Variants in ZNF430 observed in about 807,000 individuals in gnomAD.
The protein encoded by ZNF430 is zinc finger protein 430.
In ZNF430, 35 loss-of-function variants were observed where a neutral mutation model predicts 56.7. The observed-to-expected ratio is 0.62, with a 90% CI of 0.47 to 0.82. The LOEUF (loss-of-function observed/expected upper bound fraction) is 0.82. Ranked by LOEUF, ZNF430 falls within the 40% of genes least tolerant of loss-of-function variation. The pLI is 0.00. For synonymous variants in ZNF430, 212 were observed against 224.3 expected (o/e 0.94, Z 0.49); for missense variants, 574 against 661.0 (o/e 0.87, Z 1.44).
intron 4 of ZNF430, chr19:21,036,212 A>ATATG (rs147297007): frequency 0.069 from 11,882 of 171,768 alleles, 490 homozygotes; most frequent in Non-Finnish European, 0.08. Flanking sequence ...TTAGATATAT[A>ATATG]TGTGTGTGTG....
rs562085643 is a variant in ZNF430 at position 21,038,189 on chromosome 19, G to A, written c.322+4005G>A. Among the ~76,000 whole-genome samples, 5 of 151,738 alleles carry A rather than the reference G, an allele frequency of 3.3e-5. No homozygotes were observed. The South Asian group carries it at 8.3e-4, about 25-fold the overall frequency. ...GACTTATTAGTTTTTTTATGTCTAAGTATTTTACTTAAAATATTTTTGTAT... is the reference window on the plus strand; with the variant it reads ...GACTTATTAGTTTTTTTATGTCTAAATATTTTACTTAAAATATTTTTGTAT... On this transcript the variant is annotated intron_variant, in intron 4 of 4. Transcript: ENST00000261560.
At chr19:21,054,786 T>C (rs1968344313) in intron 4 of ZNF430, among the ~76,000 whole-genome samples, 1 of 147,806 alleles carries the variant, frequency 6.8e-6, no homozygotes, top group African/African-American at 2.5e-5. Flanking sequence ...GCCATTCTCC[T>C]GCCTCAGCCT....
chr19:21,020,746 C>T lies in ZNF430; in HGVS notation c.-55C>T, dbSNP rs2081054. The T allele has an allele frequency of 0.93, 1,501,235 of 1,610,976 alleles. 700,121 individuals carry two copies. The highest frequency in any genetic ancestry group is 0.97 in the Middle Eastern group (5,855 of 6,056). On this transcript the variant is annotated 5_prime_UTR_variant, in exon 1 of 5. Transcript: ENST00000261560. The stretch of plus-strand genomic sequence containing the variant: ...GTCCAGGCTCTGTGGCCCTGTGACC[C>T]GCAGGTATTGGGAGATCTACAGCTA...
At chr19:21,054,152 A>G (rs940640292) in intron 4 of ZNF430, among the ~76,000 whole-genome samples, 3 of 152,168 alleles carry the variant, frequency 2.0e-5, no homozygotes, top group African/African-American at 4.8e-5. Context: ...CAAATTTTAG[A>G]AAATAATTAA....
In ZNF430 at chr19:21,057,920, G is replaced by C; in HGVS notation, c.1612G>C (p.Glu538Gln). ...TAAACATAAGGTAATTCATACTGGA[G>C]AGAAACCCTACAACTGTGAAGAATA... ...LTKHKVIHTG[E>Q]KPYNCEEYGK... is the part of the protein sequence containing the mutation. Residue 538 changes from glutamate (E) to glutamine (Q), a missense_variant, in exon 5 of 5, where the codon GAG becomes CAG. Physicochemically the swap from Glu to Gln is conservative, Grantham distance 29. This residue lies in a region of ZNF430 where 213 missense variants were observed against 221.0 expected (regional missense o/e 0.96). Coordinates refer to ENST00000261560, the MANE Select transcript of ZNF430 (RefSeq NM_025189.4). The C allele has an allele frequency of 6.2e-7, 1 of 1,613,668 alleles. No individual in the cohort carries two copies.
intron 2 of ZNF430, among the ~76,000 whole-genome samples, chr19:21,029,829 G>T (rs776226396): frequency 6.6e-6 from 1 of 152,260 alleles, no homozygotes; most frequent in South Asian, 2.1e-4. Flanking sequence ...GCCGGGCGTG[G>T]TGGCACATGC....
chr19:21,040,964 T>C (rs565022957), intron 4 of ZNF430, among the ~76,000 whole-genome samples: 1 of 152,296 alleles, frequency 6.6e-6, no homozygotes, highest in South Asian at 2.1e-4. Context: ...ATATAATTAC[T>C]GCCACCTCAC....
chr19:21,029,676 C>T (rs892754780), intron 2 of ZNF430, among the ~76,000 whole-genome samples: 2 of 152,022 alleles, frequency 1.3e-5, no homozygotes, highest in African/African-American at 4.8e-5. Context: ...TTATAAAAAT[C>T]AGAGTTTTGG....
intron 4 of ZNF430, among the ~76,000 whole-genome samples, chr19:21,052,858 A>G (rs1363105992): frequency 2.0e-5 from 3 of 152,156 alleles, no homozygotes; most frequent in Non-Finnish European, 2.9e-5. Context: ...TGAGACTTTT[A>G]ATGACGGTCT....
chr19:21,039,447 C>T (rs1449069457), intron 4 of ZNF430, among the ~76,000 whole-genome samples: 1 of 129,042 alleles, frequency 7.7e-6, no homozygotes, highest in Non-Finnish European at 1.6e-5. Context: ...TTTACTTTTG[C>T]TATTTATTTA....
intron 4 of ZNF430, among the ~76,000 whole-genome samples, chr19:21,049,808 A>G (rs1047291549): frequency 1.3e-5 from 2 of 152,290 alleles, no homozygotes; most frequent in South Asian, 4.1e-4. Context: ...TTTTTCAAGT[A>G]AAATAACTTT....
chr19:21,052,643 T>C (rs1045469762), intron 4 of ZNF430, among the ~76,000 whole-genome samples: 3 of 152,162 alleles, frequency 2.0e-5, no homozygotes, highest in Non-Finnish European at 4.4e-5. Flanking sequence ...AGATGTAGCT[T>C]GTGTAATATT....
chr19:21,049,240 C>T (rs1351840909), intron 4 of ZNF430, among the ~76,000 whole-genome samples: 1 of 127,290 alleles, frequency 7.9e-6, no homozygotes, highest in Non-Finnish European at 1.7e-5. Context: ...TAATTAAATA[C>T]AAAACCTATA....
At chr19:21,054,326 G>A (rs1007328078) in intron 4 of ZNF430, among the ~76,000 whole-genome samples, 7 of 151,564 alleles carry the variant, frequency 4.6e-5, no homozygotes, top group Admixed American at 4.6e-4. Flanking sequence ...TATATGTAGA[G>A]CATACGGAGT....
intron 2 of ZNF430, among the ~76,000 whole-genome samples, chr19:21,030,195 T>C (rs1329728497): frequency 6.6e-6 from 1 of 152,242 alleles, no homozygotes; most frequent in Admixed American, 6.5e-5. Flanking sequence ...AACAAGTAAA[T>C]GTATACACAA....
chr19:21,044,238 T>G (rs530726711), intron 4 of ZNF430, among the ~76,000 whole-genome samples: 1 of 152,180 alleles, frequency 6.6e-6, no homozygotes, highest in Non-Finnish European at 1.5e-5. Context: ...TGACTCTTAT[T>G]ATTTTGAGGT....
intron 1 of ZNF430, among the ~76,000 whole-genome samples, chr19:21,021,429 G>A (rs983506597): frequency 4.6e-5 from 7 of 151,996 alleles, no homozygotes; most frequent in African/African-American, 1.7e-4. Flanking sequence ...AACCTGGGAG[G>A]TGGAGATTGC....
intron 2 of ZNF430, among the ~76,000 whole-genome samples, chr19:21,033,192 T>A (rs1489016255): frequency 6.6e-6 from 1 of 151,756 alleles, no homozygotes; most frequent in Non-Finnish European, 1.5e-5. Flanking sequence ...CCGTCTCTAC[T>A]AAAAATACAA....
chr19:21,046,724 T>G (rs1054059033), intron 4 of ZNF430, among the ~76,000 whole-genome samples: 13 of 152,170 alleles, frequency 8.5e-5, no homozygotes, highest in African/African-American at 2.9e-4. Context: ...GATGAACTTT[T>G]GTCTATAGGT....
Sources: gnomAD v4.1 joint callset for allele counts (sites outside exome capture counted in the v4.1 genomes callset) on GRCh38, gnomAD v4.1.1 for gene constraint, gnomAD v4.1.1 regional missense constraint, MANE v1.5 for transcripts, NCBI Gene and HGNC (gene_info 2026-07-23, HGNC 2026-07-21) for gene names.